The following STAU1 variants were observed in gnomAD, a reference collection of about 807,000 sequenced individuals.
STAU1 encodes staufen double-stranded RNA binding protein 1.
STAU1 carries 13 observed loss-of-function variants against 62.9 expected under a neutral mutation model. That is an observed-to-expected ratio of 0.21 (90% CI 0.13 to 0.33). STAU1 has a LOEUF of 0.33. Among genes scored for constraint, STAU1 ranks in the 10% least tolerant of loss-of-function variants. The pLI, the probability that STAU1 is intolerant of heterozygous loss-of-function variation, is 1.00. For missense variants in STAU1, 571 were observed against 712.1 expected (o/e 0.80, Z 2.25); for synonymous variants, 269 against 265.1 (o/e 1.01, Z -0.14).
upstream of STAU1, among the ~76,000 whole-genome samples, chr20:49,191,118 C>G (rs1023839934): frequency 6.6e-6 from 1 of 151,904 alleles, no homozygotes; most frequent in Admixed American, 6.6e-5. Context: ...ACCTCCACCT[C>G]CCGGGCTCAA....
intron 2 of STAU1, among the ~76,000 whole-genome samples, chr20:49,169,674 C>T (rs2093572604): frequency 6.6e-6 from 1 of 152,174 alleles, no homozygotes. Flanking sequence ...TCAGATCTCG[C>T]TGGTGCTGGA....
chr20:49,144,824 T>C (rs1194986554), intron 5 of STAU1, among the ~76,000 whole-genome samples: 1 of 152,174 alleles, frequency 6.6e-6, no homozygotes, highest in Non-Finnish European at 1.5e-5. Context: ...TTATCATTCT[T>C]CCATTTTCTT....
chr20:49,152,866 C>T (rs955355338), intron 4 of STAU1, among the ~76,000 whole-genome samples: 3 of 152,146 alleles, frequency 2.0e-5, no homozygotes, highest in Admixed American at 2.0e-4. Flanking sequence ...AAAGCAGTTA[C>T]AAGGGTTATC....
At chr20:49,210,569 C>T in the STAU1 span, 3 of 452,804 alleles carry the variant, frequency 6.6e-6, no homozygotes, top group African/African-American at 6.0e-5. Flanking sequence ...AAGCACACAG[C>T]TGTTTTCCTA....
intron 6 of STAU1, among the ~76,000 whole-genome samples, chr20:49,125,709 G>A (rs1013761718): frequency 1.4e-4 from 21 of 151,958 alleles, no homozygotes; most frequent in African/African-American, 4.6e-4. Flanking sequence ...TTAGCCGGGC[G>A]TGGTGGCAGG....
intron 6 of STAU1, among the ~76,000 whole-genome samples, chr20:49,129,382 G>C (rs954740288): frequency 1.6e-4 from 23 of 142,196 alleles, no homozygotes; most frequent in Admixed American, 1.3e-3. Flanking sequence ...CTGCCTCCTG[G>C]GTTCAAGCGT....
chr20:49,162,305 G>A (rs1252083336), intron 3 of STAU1, among the ~76,000 whole-genome samples: 3 of 152,152 alleles, frequency 2.0e-5, no homozygotes, highest in Admixed American at 6.6e-5. Flanking sequence ...CCCAGAGGAC[G>A]GAAACAGTCT....
chr20:49,217,217 T>C, the STAU1 span, among the ~76,000 whole-genome samples: 1 of 150,634 alleles, frequency 6.6e-6, no homozygotes, highest in South Asian at 2.1e-4. Flanking sequence ...GCTGCTGGAG[T>C]GACACAGGAA....
intron 2 of STAU1, among the ~76,000 whole-genome samples, 176 bp downstream of exon 2, chr20:49,174,018 TC>T (rs1201114605): frequency 6.6e-6 from 1 of 152,238 alleles, no homozygotes; most frequent in Non-Finnish European, 1.5e-5. Flanking sequence ...CAATAACTTT[TC>T]CTGTACTTAC....
chr20:49,198,974 C>T, the STAU1 span, among the ~76,000 whole-genome samples: 1 of 149,712 alleles, frequency 6.7e-6, no homozygotes, highest in Non-Finnish European at 1.5e-5. Context: ...TCCCCCTGCC[C>T]CCCCGCCAAA....
In STAU1 at chr20:49,166,240, G is replaced by A. The variant is rs747928546; in HGVS notation, c.-39C>T. ...AAAAGTGAACAAATGCAGGTAAACA[G>A]CTTTCAGTGCAGGTTAATTCAGTGC... On this transcript the variant is annotated 5_prime_UTR_variant, in exon 3 of 14. Transcript: ENST00000371856. The A allele has an allele frequency of 6.3e-7, 1 of 1,580,874 alleles. No homozygotes were observed. The highest frequency in any genetic ancestry group is 8.7e-7 in the Non-Finnish European group (1 of 1,150,880).
chr20:49,219,273 C>A, the STAU1 span: 4 of 1,411,952 alleles, frequency 2.8e-6, no homozygotes, highest in Non-Finnish European at 3.8e-6. Context: ...CACACGAAAC[C>A]AACCACGCCC....
At chr20:49,195,276 G>T in the STAU1 span, among the ~76,000 whole-genome samples, 1 of 152,048 alleles carries the variant, frequency 6.6e-6, no homozygotes, top group African/African-American at 2.4e-5. Flanking sequence ...TGTGGCTCAC[G>T]CCTGTAATCC....
chr20:49,167,371 G>A (rs1242506466), intron 2 of STAU1, among the ~76,000 whole-genome samples: 1 of 152,102 alleles, frequency 6.6e-6, no homozygotes, highest in African/African-American at 2.4e-5. Context: ...GATTTTTAAA[G>A]CTGGTCCTCA....
intron 6 of STAU1, among the ~76,000 whole-genome samples, chr20:49,126,562 C>T (rs1421345388): frequency 8.0e-4 from 9 of 11,282 alleles, no homozygotes; most frequent in Admixed American, 3.6e-3. Context: ...AGCAAAACCT[C>T]GTCTCAAAAA....
chr20:49,162,431 G>A (rs572791801), intron 3 of STAU1, among the ~76,000 whole-genome samples: 18 of 152,250 alleles, frequency 1.2e-4, no homozygotes, highest in African/African-American at 4.3e-4. Flanking sequence ...AATTGTGGGG[G>A]TGGCATGGAA....
rs558913009 is a variant in STAU1, at chr20:49,145,418, C to G, written c.510+6164G>C. Among the ~76,000 whole-genome samples, 576 of 78,336 alleles carry G rather than the reference C, an allele frequency of 7.4e-3. 4 individuals are homozygous for G. The highest frequency in any genetic ancestry group is 0.054 in the South Asian group (101 of 1,862). 51.4% of individuals were successfully genotyped at this position (78,336 alleles called of 152,430 possible). A position where few individuals can be genotyped will look rare whatever the true frequency, so the allele number is the denominator to read the frequency against. On this transcript the variant is annotated intron_variant, in intron 5 of 13. Coordinates refer to ENST00000371856, the MANE Select transcript of STAU1 (RefSeq NM_017453.4). Reference sequence around the variant, plus strand: ...CAGCCTGGGCAACAAAGCGAGACTCCGTCTCAAAAAAAAAAAAAAAAAAAA... The same window carrying G: ...CAGCCTGGGCAACAAAGCGAGACTCGGTCTCAAAAAAAAAAAAAAAAAAAA...
At chr20:49,128,771 TCCAAAAAAAA>T (rs2092687854) in intron 6 of STAU1, among the ~76,000 whole-genome samples, 3 of 27,188 alleles carry the variant, frequency 1.1e-4, no homozygotes, top group African/African-American at 4.8e-4. Flanking sequence ...GACATCCAAA[TCCAAAAAAAA>T]AAAAAAAAAA....
intron 6 of STAU1, among the ~76,000 whole-genome samples, chr20:49,129,278 AAATTTTTTTT>A (rs2092699592): frequency 1.3e-5 from 1 of 76,088 alleles, no homozygotes; most frequent in African/African-American, 6.2e-5. Context: ...CTTTAAAAAA[AAATTTTTTTT>A]TTTTTTTTTT....
Sources: allele counts gnomAD v4.1 joint callset (sites outside exome capture counted in the v4.1 genomes callset), GRCh38; gene constraint gnomAD v4.1.1; transcripts MANE v1.5; gene names NCBI Gene and HGNC (gene_info 2026-07-23, HGNC 2026-07-21).